The following KIF6 variants were observed in gnomAD, a reference collection of about 807,000 sequenced individuals.
KIF6 encodes kinesin family member 6, also known as kinesin-like protein KIF6.
In KIF6, 106 loss-of-function variants were observed where a neutral mutation model predicts 112.7. The ratio of observed to expected loss-of-function variants is 0.94; its 90% CI spans 0.80 to 1.11. The LOEUF (loss-of-function observed/expected upper bound fraction) is 1.11. Among genes scored for constraint, KIF6 ranks in the 50% least tolerant of loss-of-function variants. KIF6 has a pLI of 0.00. For missense variants in KIF6, 929 were observed against 964.0 expected, an observed-to-expected ratio of 0.96 and a Z score of 0.48; for synonymous variants, 339 against 339.9, an observed-to-expected ratio of 1.00 and a Z score of 0.03.
intron 13 of KIF6, among the ~76,000 whole-genome samples, chr6:39,484,754 C>A (rs947897311): frequency 6.6e-6 from 1 of 152,194 alleles, no homozygotes; most frequent in Non-Finnish European, 1.5e-5. Context: ...AAGCTACATT[C>A]CTCTTCCTAA....
intron 13 of KIF6, among the ~76,000 whole-genome samples, chr6:39,464,279 A>G (rs1468857725): frequency 1.3e-5 from 2 of 152,178 alleles, no homozygotes; most frequent in South Asian, 2.1e-4. Context: ...TCTATCAGGC[A>G]TTTGGAGACC....
intron 3 of KIF6, among the ~76,000 whole-genome samples, chr6:39,668,036 C>T (rs771654247): frequency 6.6e-6 from 1 of 152,062 alleles, no homozygotes; most frequent in Non-Finnish European, 1.5e-5. Context: ...CTTACTCCAG[C>T]TTTTTTCACA....
chr6:39,572,659 C>CT (rs35901482), intron 10 of KIF6, among the ~76,000 whole-genome samples: 16,905 of 102,056 alleles, frequency 0.17, 1,533 homozygotes, highest in Non-Finnish European at 0.21. Context: ...GATCTACAGG[C>CT]TTTTTTTTTT....
At chr6:39,465,486 T>C (rs531104493) in intron 13 of KIF6, among the ~76,000 whole-genome samples, 2 of 152,274 alleles carry the variant, frequency 1.3e-5, no homozygotes, top group East Asian at 3.9e-4. Flanking sequence ...CGCCTATCCT[T>C]CTCTTCTTTA....
At chr6:39,426,612 G>A (rs74770552) in intron 14 of KIF6, among the ~76,000 whole-genome samples, 4 of 152,236 alleles carry the variant, frequency 2.6e-5, no homozygotes, top group South Asian at 2.1e-4. Flanking sequence ...TTAGTCAGGC[G>A]TGATGGCATG....
At chr6:39,703,842 T>C (rs1004665897) in intron 3 of KIF6, among the ~76,000 whole-genome samples, 3 of 152,228 alleles carry the variant, frequency 2.0e-5, no homozygotes, top group African/African-American at 7.2e-5. Flanking sequence ...AGTAAAAATC[T>C]TGCCAGTTGT....
At chr6:39,410,598 A>G (rs1253299926) in intron 15 of KIF6, among the ~76,000 whole-genome samples, 1 of 152,250 alleles carries the variant, frequency 6.6e-6, no homozygotes, top group Non-Finnish European at 1.5e-5. Context: ...CAATGGAGGA[A>G]CTCATAAAAG....
At chr6:39,486,644 G>T (rs1017866769) in intron 13 of KIF6, among the ~76,000 whole-genome samples, 1 of 152,176 alleles carries the variant, frequency 6.6e-6, no homozygotes, top group Non-Finnish European at 1.5e-5. Flanking sequence ...TACATTTGCC[G>T]CAAACTCTAC....
intron 16 of KIF6, among the ~76,000 whole-genome samples, chr6:39,379,818 G>A (rs750317554): frequency 6.6e-6 from 1 of 152,250 alleles, no homozygotes. Flanking sequence ...GCAGTGCAGC[G>A]TGATGGCTGG....
At chr6:39,404,101 A>G (rs1768912092) in intron 15 of KIF6, among the ~76,000 whole-genome samples, 1 of 152,102 alleles carries the variant, frequency 6.6e-6, no homozygotes, top group Non-Finnish European at 1.5e-5. Flanking sequence ...ATCTGAAAAT[A>G]TTTTCTCCCA....
At chr6:39,508,332 G>T (rs1359922980) in intron 13 of KIF6, among the ~76,000 whole-genome samples, 1 of 152,006 alleles carries the variant, frequency 6.6e-6, no homozygotes, top group Non-Finnish European at 1.5e-5. Context: ...TCCAGCTGGG[G>T]TAAATTGTTC....
chr6:39,532,647 G>T (rs1778141166), intron 13 of KIF6, among the ~76,000 whole-genome samples: 1 of 152,142 alleles, frequency 6.6e-6, no homozygotes, highest in Non-Finnish European at 1.5e-5. Flanking sequence ...ATAAAGAATT[G>T]TAATGTCACA....
At chr6:39,630,659 T>A (rs1784307530) in intron 5 of KIF6, among the ~76,000 whole-genome samples, 1 of 152,020 alleles carries the variant, frequency 6.6e-6, no homozygotes, top group African/African-American at 2.4e-5. Context: ...CCCAATAACT[T>A]TAATTTCTTT....
At chr6:39,644,705 T>G (rs568900810) in intron 3 of KIF6, among the ~76,000 whole-genome samples, 138 of 152,214 alleles carry the variant, frequency 9.1e-4, no homozygotes, top group African/African-American at 3.2e-3. Flanking sequence ...CAGAGCTTCT[T>G]TTTGGCGGTA....
chr6:39,638,435 G>A lies in KIF6; in HGVS notation c.399+1175C>T, dbSNP rs146769587. Among the ~76,000 whole-genome samples the A allele has an allele frequency of 6.0e-3, 918 of 152,138 alleles. 5 individuals carry two copies. The highest frequency in any genetic ancestry group is 0.01 in the Non-Finnish European group (694 of 67,994). On this transcript the variant is annotated intron_variant, in intron 4 of 22. Transcript: ENST00000287152. ...TTATATTCCCAGGTTGTGAAATGTG[G>A]GAACAAAACAGGCAATGTCAGAAAT...
intron 13 of KIF6, among the ~76,000 whole-genome samples, chr6:39,532,360 C>T (rs754267565): frequency 1.3e-5 from 2 of 151,926 alleles, no homozygotes; most frequent in Admixed American, 6.6e-5. Context: ...TAGCACTATG[C>T]CTAGAACAAA....
intron 10 of KIF6, among the ~76,000 whole-genome samples, chr6:39,547,226 T>G (rs1430212949): frequency 2.0e-5 from 3 of 152,246 alleles, no homozygotes; most frequent in Non-Finnish European, 4.4e-5. Context: ...ATTTCTATCA[T>G]AGAACAGCCT....
At chr6:39,649,542 A>G (rs914489043) in intron 3 of KIF6, among the ~76,000 whole-genome samples, 6 of 152,166 alleles carry the variant, frequency 3.9e-5, no homozygotes, top group African/African-American at 1.2e-4. Flanking sequence ...TTTGGTCAAC[A>G]CTGTCTTTTT....
At chr6:39,440,353 T>G (rs1771841213) in intron 13 of KIF6, among the ~76,000 whole-genome samples, 1 of 152,196 alleles carries the variant, frequency 6.6e-6, no homozygotes, top group South Asian at 2.1e-4. Context: ...CACAGTATGA[T>G]GAATACCTAC....
Sources: gnomAD v4.1 joint callset for allele counts (sites outside exome capture counted in the v4.1 genomes callset) on GRCh38, gnomAD v4.1.1 for gene constraint, MANE v1.5 for transcripts, NCBI Gene and HGNC (gene_info 2026-07-23, HGNC 2026-07-21) for gene names.